The following DOCK11 variants were observed in gnomAD, a reference collection of about 807,000 sequenced individuals.
The protein encoded by DOCK11 is dedicator of cytokinesis 11.
DOCK11 carries 70 observed loss-of-function variants against 169.1 expected under a neutral mutation model. The observed-to-expected ratio is 0.41, with a 90% confidence interval of 0.34 to 0.51. The LOEUF (loss-of-function observed/expected upper bound fraction) is 0.51, where lower values mean the gene tolerates loss of function less well. Ranked by LOEUF, DOCK11 falls within the 20% of genes least tolerant of loss-of-function variation. The pLI is 0.10. For synonymous variants in DOCK11, 529 were observed against 541.3 expected (o/e 0.98, Z 0.32); for missense variants, 1,166 against 1,538.8 (o/e 0.76, Z 4.05).
chrX:118,681,035 A>C (rs1569448856), intron 49 of DOCK11, 23 bp from the exon 50 acceptor site: 3 of 1,120,972 alleles, frequency 2.7e-6, no homozygotes, highest in Non-Finnish European at 2.4e-6. Flanking sequence ...AAAGTCAGTA[A>C]ATCAATCTTA....
chrX:118,553,060 C>T (rs2012557273), intron 6 of DOCK11, among the ~76,000 whole-genome samples: 1 of 111,434 alleles, frequency 9.0e-6, no homozygotes, highest in Non-Finnish European at 1.9e-5. Flanking sequence ...GAGGAGGTAC[C>T]TTGCTGCCAC....
intron 28 of DOCK11, among the ~76,000 whole-genome samples, chrX:118,613,880 T>C (rs970115847): frequency 8.9e-6 from 1 of 112,352 alleles, no homozygotes; most frequent in African/African-American, 3.2e-5. Flanking sequence ...GTCAATGAGA[T>C]CTATTGGCAA....
At chrX:118,519,940 G>A (rs2057712613) in intron 1 of DOCK11, among the ~76,000 whole-genome samples, 1 of 111,677 alleles carries the variant, frequency 9.0e-6, no homozygotes, top group African/African-American at 3.3e-5. Context: ...ATAACTCTGG[G>A]AAGTTGCATT....
At chrX:118,627,621 A>G in intron 33 of DOCK11, 42 bp downstream of exon 33, 1 of 949,349 alleles carries the variant, frequency 1.1e-6, no homozygotes, top group Non-Finnish European at 1.5e-6. Flanking sequence ...GTGGGTGTTT[A>G]GACATGTACC....
chrX:118,548,612 G>A (rs1358456040), intron 6 of DOCK11, among the ~76,000 whole-genome samples: 2 of 111,062 alleles, frequency 1.8e-5, no homozygotes, highest in African/African-American at 6.6e-5. Context: ...TGCTGGCTTT[G>A]AGGGTACAGA....
Position 118,584,696 on chromosome X carries a change from AT to A in DOCK11, c.1596-28del, listed in dbSNP as rs376283615. ...TTTTATCTTAATTTATCAACATGGA[AT>A]TTTTTTTTTTAAAAAAATGCTTCTG... On this transcript the variant is annotated intron_variant, in intron 14 of 52. Coordinates refer to ENST00000276202, the MANE Select transcript of DOCK11 (RefSeq NM_144658.4). 2,356 of 949,389 alleles carry A rather than the reference AT, an allele frequency of 2.5e-3. 11 individuals are homozygous for A. The highest frequency in any genetic ancestry group is 0.022 in the African/African-American group (1,053 of 47,588). The allele number at this position is 949,389 out of a possible 1,213,427, so 78.2% of individuals were successfully genotyped here. A position where few individuals can be genotyped will look rare whatever the true frequency, so the allele number is the denominator to read the frequency against.
In DOCK11 at chrX:118,648,146, T is replaced by TTG. The variant is rs1304023348; in HGVS notation, c.4399-798_4399-797insGT. Reference sequence around the variant, plus strand: ...AATATTATATAATATAATATATAAATTAATATATAATAATATAATATATAA... The same window carrying TTG: ...AATATTATATAATATAATATATAAATTGTAATATATAATAATATAATATATAA... On this transcript the variant is annotated intron_variant, in intron 40 of 52. Transcript: ENST00000276202. Among the ~76,000 whole-genome samples, 272 of 59,613 alleles carry TTG rather than the reference T, an allele frequency of 4.6e-3. 1 individual carries two copies. Among genetic ancestry groups the TTG allele is most frequent in the African/African-American group, 0.022 (254 of 11,504 alleles). 51.8% of individuals were successfully genotyped at this position (59,613 alleles called of 115,157 possible).
chrX:118,536,558 T>C (rs1298982092), intron 1 of DOCK11, among the ~76,000 whole-genome samples: 1 of 111,863 alleles, frequency 8.9e-6, no homozygotes, highest in Non-Finnish European at 1.9e-5. Context: ...TTCTGATTGA[T>C]CTAATGGGGA....
chrX:118,586,232 T>C (rs1215510594), intron 16 of DOCK11, among the ~76,000 whole-genome samples: 5 of 111,426 alleles, frequency 4.5e-5, no homozygotes, highest in Admixed American at 3.8e-4. Flanking sequence ...AAACGAGTTG[T>C]ATTACTCCGT....
chrX:118,646,012 C>T (rs184242151), intron 40 of DOCK11, among the ~76,000 whole-genome samples: 31 of 99,227 alleles, frequency 3.1e-4, no homozygotes, highest in Admixed American at 1.1e-3. Context: ...GCCGAGATCG[C>T]GCCATTGCGC....
chrX:118,624,677 T>C, intron 32 of DOCK11, 22 bp downstream of exon 32: 7 of 1,086,270 alleles, frequency 6.4e-6, no homozygotes, highest in Middle Eastern at 2.5e-4. Flanking sequence ...TGTGTTTCTG[T>C]TGGAGTTTTA....
intron 1 of DOCK11, among the ~76,000 whole-genome samples, chrX:118,523,513 A>C (rs893971988): frequency 8.9e-6 from 1 of 112,162 alleles, no homozygotes; most frequent in Admixed American, 9.4e-5. Context: ...TACCTTTCAA[A>C]AACAAATCAG....
intron 11 of DOCK11, among the ~76,000 whole-genome samples, chrX:118,572,679 C>G (rs2013316768): frequency 8.9e-6 from 1 of 111,744 alleles, no homozygotes; most frequent in South Asian, 3.7e-4. Flanking sequence ...TGACTGAGAA[C>G]TATTAATAAT....
rs760577887 is a variant in DOCK11 at position 118,605,317 on chromosome X, A to G, written c.2642A>G (p.Asn881Ser). 3.3e-6 allele frequency: 4 copies of G among 1,199,859 alleles called. No individual in the cohort carries two copies. The Admixed American group carries it at 9.1e-5, about 27-fold the overall frequency. ...ATGCAACTCTTCCGAGTTCTCACAAATATGACCCATGAAGATGACGTTCCT... is the reference window on the plus strand; with the variant it reads ...ATGCAACTCTTCCGAGTTCTCACAAGTATGACCCATGAAGATGACGTTCCT... Reference protein sequence around the residue: ...ILMQLFRVLTNMTHEDDVPIN... With the variant: ...ILMQLFRVLTSMTHEDDVPIN... Residue 881 changes from asparagine to serine, a missense_variant, in exon 24 of 53, where the codon AAT (asparagine) becomes AGT (serine). Transcript: ENST00000276202.
At chrX:118,626,668 T>G (rs2015113370) in intron 32 of DOCK11, among the ~76,000 whole-genome samples, 1 of 111,813 alleles carries the variant, frequency 8.9e-6, no homozygotes. Context: ...GACGTTGCTT[T>G]TAAGCTTTTC....
intron 45 of DOCK11, among the ~76,000 whole-genome samples, chrX:118,670,227 C>T (rs2016436311): frequency 1.8e-5 from 2 of 111,699 alleles, no homozygotes; most frequent in South Asian, 7.4e-4. Flanking sequence ...ATTCGATTTT[C>T]TAAAGGACAT....
intron 26 of DOCK11, 79 bp downstream of exon 26, chrX:118,608,435 T>A (rs2014593961): frequency 9.3e-7 from 1 of 1,076,460 alleles, no homozygotes; most frequent in Non-Finnish European, 1.2e-6. Flanking sequence ...TCACTTCTAG[T>A]CTTTCATCAG....
chrX:118,678,313 T>C (rs185469941), intron 48 of DOCK11, among the ~76,000 whole-genome samples: 16 of 111,503 alleles, frequency 1.4e-4, no homozygotes, highest in Non-Finnish European at 1.9e-4. Flanking sequence ...ACAAAATTTA[T>C]ATAGCAAAAA....
chrX:118,509,089 G>A (rs1165600274), intron 1 of DOCK11, among the ~76,000 whole-genome samples: 4 of 111,294 alleles, frequency 3.6e-5, no homozygotes, highest in Non-Finnish European at 5.7e-5. Context: ...CTGTATCTCT[G>A]TCTGGCCCCC....
Sources: gnomAD v4.1 joint callset for allele counts (sites outside exome capture counted in the v4.1 genomes callset) on GRCh38, gnomAD v4.1.1 for gene constraint, MANE v1.5 for transcripts, NCBI Gene and HGNC (gene_info 2026-07-23, HGNC 2026-07-21) for gene names.